PHEX: variants seen among roughly 807,000 people sequenced by gnomAD.
PHEX encodes the protein phosphate-regulating neutral endopeptidase PHEX.
PHEX carries 16 observed loss-of-function variants against 68.0 expected under a neutral mutation model. The ratio of observed to expected loss-of-function variants is 0.24; its 90% CI spans 0.16 to 0.36. PHEX has a LOEUF of 0.36. Among genes scored for constraint, PHEX ranks in the 10% least tolerant of loss-of-function variants. PHEX has a pLI of 1.00. For synonymous variants in PHEX, 208 were observed against 205.1 expected (o/e 1.01, Z -0.12); for missense variants, 480 against 575.5 (o/e 0.83, Z 1.70).
chrX:22,077,483 T>C lies in PHEX; in HGVS notation c.444T>C (p.Ile148=), dbSNP rs145881500. 8.2e-5 allele frequency: 99 copies of C among 1,208,058 alleles called. No homozygotes were observed. Among genetic ancestry groups the C allele is most frequent in the Non-Finnish European group, 1.1e-4 (95 of 893,150 alleles). Residue 148 remains isoleucine, a synonymous_variant, in exon 5 of 22, where the codon ATT becomes ATC. Transcript: ENST00000379374. ...LYSSCMNEKA[I]EKADAKPLLH... Reference sequence around the variant, plus strand: ...ATATCTGCTCCCTTTCAGAAGCGATTGAAAAAGCAGATGCCAAGCCACTGC... The same window carrying C: ...ATATCTGCTCCCTTTCAGAAGCGATCGAAAAAGCAGATGCCAAGCCACTGC...
chrX:22,211,911 T>C (rs934909429), intron 15 of PHEX, among the ~76,000 whole-genome samples: 3 of 111,869 alleles, frequency 2.7e-5, no homozygotes, highest in African/African-American at 9.8e-5. Context: ...ATGAGACTTA[T>C]TCACTACCAT....
At chrX:22,082,224 A>G (rs182450956) in intron 5 of PHEX, among the ~76,000 whole-genome samples, 28 of 112,450 alleles carry the variant, frequency 2.5e-4, no homozygotes, top group African/African-American at 8.4e-4. Flanking sequence ...GATATATCCA[A>G]TAATGGGATT....
chrX:22,042,942 C>T (rs1927353925), intron 2 of PHEX, among the ~76,000 whole-genome samples: 1 of 112,769 alleles, frequency 8.9e-6, no homozygotes, highest in South Asian at 3.6e-4. Flanking sequence ...GGCCTGATCT[C>T]AATTCCTTTG....
At chrX:22,232,756 CCA>C (rs1221801136) in intron 20 of PHEX, among the ~76,000 whole-genome samples, 1 of 109,319 alleles carries the variant, frequency 9.1e-6, no homozygotes, top group African/African-American at 3.3e-5. Context: ...ATCCAATTTG[CCA>C]GTCTGTGTCT....
intron 3 of PHEX, among the ~76,000 whole-genome samples, chrX:22,069,077 T>C (rs751994942): frequency 1.8e-5 from 2 of 112,188 alleles, no homozygotes; most frequent in South Asian, 7.4e-4. Context: ...GAGGTTGCAG[T>C]GAGCTGAGAT....
At chrX:22,234,853 AAAC>A (rs1349165209) in intron 20 of PHEX, among the ~76,000 whole-genome samples, 5 of 110,033 alleles carry the variant, frequency 4.5e-5, no homozygotes, top group African/African-American at 1.0e-4. Context: ...ACACACAGAA[AAAC>A]AACAACAATG....
intron 10 of PHEX, among the ~76,000 whole-genome samples, chrX:22,113,949 T>A (rs1459336704): frequency 4.2e-5 from 4 of 94,564 alleles, no homozygotes; most frequent in Non-Finnish European, 6.4e-5. Context: ...TCTTCTTTTT[T>A]TTTTTTTTTT....
At chrX:22,191,168 C>T (rs939578130) in intron 15 of PHEX, among the ~76,000 whole-genome samples, 1 of 111,098 alleles carries the variant, frequency 9.0e-6, no homozygotes, top group African/African-American at 3.3e-5. Context: ...TACAGGTGTG[C>T]ACCACCACGC....
intron 5 of PHEX, among the ~76,000 whole-genome samples, chrX:22,081,042 C>T (rs999180633): frequency 1.8e-5 from 2 of 111,251 alleles, no homozygotes; most frequent in East Asian, 2.8e-4. Flanking sequence ...ATGTGGTACC[C>T]GATATGCCTC....
At chrX:22,161,625 G>A (rs919187963) in intron 12 of PHEX, among the ~76,000 whole-genome samples, 1 of 111,382 alleles carries the variant, frequency 9.0e-6, no homozygotes, top group African/African-American at 3.3e-5. Flanking sequence ...ATTGAGTATT[G>A]GTCACTTGCT....
chrX:22,145,002 G>A (rs1932626004), intron 12 of PHEX, among the ~76,000 whole-genome samples: 1 of 111,582 alleles, frequency 9.0e-6, no homozygotes, highest in Non-Finnish European at 1.9e-5. Context: ...CTATCTAGAG[G>A]TTTGATTAGA....
chrX:22,215,518 C>T (rs1398490671), intron 16 of PHEX, among the ~76,000 whole-genome samples: 1 of 111,378 alleles, frequency 9.0e-6, no homozygotes, highest in Admixed American at 9.5e-5. Context: ...AGAATCAGGA[C>T]TGTAAATGGT....
At chrX:22,086,169 G>C (rs1929619529) in intron 5 of PHEX, among the ~76,000 whole-genome samples, 1 of 111,739 alleles carries the variant, frequency 8.9e-6, no homozygotes, top group Non-Finnish European at 1.9e-5. Context: ...GTGTGGAAAA[G>C]CTGGCTGGCG....
rs199517401 is a variant in PHEX at position 22,227,562 on chromosome X, C to A, written c.2021C>A (p.Pro674Gln). Reference sequence around the variant, plus strand: ...CAGGGACTTGAGGAGCCTCTTCTACCAGGCATCACATTCACCAACAACCAG... The same window carrying A: ...CAGGGACTTGAGGAGCCTCTTCTACAAGGCATCACATTCACCAACAACCAG... ...RRQGLEEPLL[P>Q]GITFTNNQLF... is the part of the protein sequence containing the mutation. Residue 674 changes from proline to glutamine, a missense_variant, in exon 20 of 22, where the codon CCA (proline) becomes CAA (glutamine). Physicochemically the swap from Pro to Gln is moderately conservative, Grantham distance 76. Transcript: ENST00000379374. The A allele has an allele frequency of 8.3e-7, 1 of 1,207,116 alleles. No homozygotes were observed. Among genetic ancestry groups the A allele is most frequent in the African/African-American group, 1.7e-5 (1 of 57,202 alleles).
At chrX:22,050,428 A>G (rs1248107239) in intron 3 of PHEX, among the ~76,000 whole-genome samples, 1 of 110,366 alleles carries the variant, frequency 9.1e-6, no homozygotes, top group African/African-American at 3.3e-5. Flanking sequence ...AAATACAAAA[A>G]AAATTAGCCA....
chrX:22,037,041 G>A (rs1927056916), intron 1 of PHEX, among the ~76,000 whole-genome samples: 2 of 105,304 alleles, frequency 1.9e-5, no homozygotes, highest in Admixed American at 2.1e-4. Context: ...AGAGCTTGCA[G>A]TGAGCCAAGA....
At chrX:22,235,786 C>T (rs961816307) in intron 20 of PHEX, among the ~76,000 whole-genome samples, 4 of 111,397 alleles carry the variant, frequency 3.6e-5, no homozygotes, top group Non-Finnish European at 5.6e-5. Context: ...ATATCCTCTA[C>T]TCTGGATTAT....
At chrX:22,243,731 G>T (rs1453453360) in intron 20 of PHEX, among the ~76,000 whole-genome samples, 1 of 112,256 alleles carries the variant, frequency 8.9e-6, no homozygotes, top group Non-Finnish European at 1.9e-5. Context: ...ACCACTATGA[G>T]ATACCATCTC....
At chrX:22,245,034 T>TTGAA (rs1936351977) in intron 20 of PHEX, among the ~76,000 whole-genome samples, 1 of 112,157 alleles carries the variant, frequency 8.9e-6, no homozygotes, top group African/African-American at 3.2e-5. Flanking sequence ...ATTAAATTCA[T>TTGAA]TGAATGAATA....
Sources: allele counts gnomAD v4.1 joint callset (sites outside exome capture counted in the v4.1 genomes callset), GRCh38; gene constraint gnomAD v4.1.1; transcripts MANE v1.5; gene names NCBI Gene and HGNC (gene_info 2026-07-23, HGNC 2026-07-21).